SPATA31H1: variants seen among roughly 807,000 people sequenced by gnomAD.
SPATA31H1 encodes SPATA31 subfamily H member 1, also known as spermatogenesis-associated protein 31H1.
At chr2:27,555,499 C>G in the SPATA31H1 span, among the ~76,000 whole-genome samples, 1 of 151,584 alleles carries the variant, frequency 6.6e-6, no homozygotes. Flanking sequence ...CAGTAAGATC[C>G]CATCTCTCCA....
the SPATA31H1 span, among the ~76,000 whole-genome samples, chr2:27,541,781 A>C: frequency 6.6e-6 from 1 of 151,936 alleles, no homozygotes; most frequent in African/African-American, 2.4e-5. Context: ...GTGACCATTT[A>C]AATTTTTTAT....
At chr2:27,546,044 T>A in the SPATA31H1 span, among the ~76,000 whole-genome samples, 1 of 152,092 alleles carries the variant, frequency 6.6e-6, no homozygotes, top group Admixed American at 6.5e-5. Context: ...GGGTTTCTTT[T>A]ACTTAACTGA....
At chr2:27,537,440 G>T in the SPATA31H1 span, 1 of 717,402 alleles carries the variant, frequency 1.4e-6, no homozygotes, top group Admixed American at 2.0e-5. Flanking sequence ...GCACCAATTT[G>T]GGGGATGGAC....
chr2:27,558,916 A>AGG, the SPATA31H1 span, among the ~76,000 whole-genome samples: 4 of 43,028 alleles, frequency 9.3e-5, no homozygotes, highest in African/African-American at 2.3e-4. Context: ...GGAGAGGGAG[A>AGG]GGGAGGGGGA....
the SPATA31H1 span, chr2:27,572,770 C>A: frequency 2.5e-6 from 1 of 397,462 alleles, no homozygotes; most frequent in Non-Finnish European, 4.4e-6. Context: ...GAGTCGAAAT[C>A]TTCCATAGAG....
At chr2:27,563,000 A>T in the SPATA31H1 span, among the ~76,000 whole-genome samples, 5 of 151,674 alleles carry the variant, frequency 3.3e-5, no homozygotes, top group African/African-American at 7.3e-5. Context: ...TTTTTTTTAG[A>T]ATTTTACAGT....
At chr2:27,556,764 G>T in the SPATA31H1 span, among the ~76,000 whole-genome samples, 1 of 127,568 alleles carries the variant, frequency 7.8e-6, no homozygotes, top group Non-Finnish European at 1.6e-5. Context: ...AGGGGGATTT[G>T]GCAGGGTCAT....
the SPATA31H1 span, among the ~76,000 whole-genome samples, chr2:27,540,527 A>ACCC: frequency 3.6e-4 from 17 of 47,260 alleles, no homozygotes; most frequent in South Asian, 7.6e-4. Context: ...CGGGGGGCTG[A>ACCC]CCCCCCCCCC....
chr2:27,581,591 C>T, the SPATA31H1 span: 1 of 1,466,154 alleles, frequency 6.8e-7, no homozygotes. Flanking sequence ...ATCGCAGTCC[C>T]TCCCAGAGGA....
At chr2:27,539,694 C>T in the SPATA31H1 span, among the ~76,000 whole-genome samples, 1 of 81,052 alleles carries the variant, frequency 1.2e-5, no homozygotes, top group African/African-American at 4.9e-5. Flanking sequence ...TAGGGGCGGC[C>T]GGGCAGAAGC....
At chr2:27,540,019 A>AC in the SPATA31H1 span, among the ~76,000 whole-genome samples, 5 of 83,962 alleles carry the variant, frequency 6.0e-5, no homozygotes, top group African/African-American at 9.2e-5. Flanking sequence ...CGGGGGGCTG[A>AC]CCCCCCCACC....
At chr2:27,574,398 A>C in the SPATA31H1 span, 1 of 398,304 alleles carries the variant, frequency 2.5e-6, no homozygotes, top group African/African-American at 2.1e-5. Context: ...ATCTGATTTG[A>C]CCCTGGGGAG....
the SPATA31H1 span, chr2:27,577,647 C>A: frequency 1.3e-5 from 21 of 1,613,938 alleles, no homozygotes; most frequent in Admixed American, 3.3e-4. This position sits in a 1 kb window ranked among gnomAD's most constrained non-coding sequence, Gnocchi z 4.5. Context: ...ACATCGAGTT[C>A]CTGAATCTGT....
At chr2:27,550,164 A>G in the SPATA31H1 span, among the ~76,000 whole-genome samples, 1 of 150,406 alleles carries the variant, frequency 6.6e-6, no homozygotes, top group East Asian at 2.0e-4. Flanking sequence ...TTTTTCTTGT[A>G]TTATTCCATT....
the SPATA31H1 span, among the ~76,000 whole-genome samples, chr2:27,542,012 A>G: frequency 6.6e-6 from 1 of 151,988 alleles, no homozygotes; most frequent in African/African-American, 2.4e-5. Flanking sequence ...GGCTCAAGCA[A>G]TCCACACACC....
chr2:27,553,808 G>A, the SPATA31H1 span, among the ~76,000 whole-genome samples: 1 of 151,912 alleles, frequency 6.6e-6, no homozygotes, highest in African/African-American at 2.4e-5. Context: ...TGTAATCCCA[G>A]CTACTCGGGA....
chr2:27,551,512 T>C, the SPATA31H1 span, among the ~76,000 whole-genome samples: 1 of 151,956 alleles, frequency 6.6e-6, no homozygotes, highest in African/African-American at 2.4e-5. Flanking sequence ...TTTTAAGAAA[T>C]CGGCTCACAA....
chr2:27,549,991 A>G, the SPATA31H1 span, among the ~76,000 whole-genome samples: 16 of 151,866 alleles, frequency 1.1e-4, no homozygotes, highest in Non-Finnish European at 1.2e-4. Flanking sequence ...CTGATACTTG[A>G]AAACACAAAA....
the SPATA31H1 span, among the ~76,000 whole-genome samples, chr2:27,565,760 T>C: frequency 2.6e-5 from 4 of 152,180 alleles, no homozygotes; most frequent in South Asian, 8.3e-4. Flanking sequence ...GAAAAAGATA[T>C]GTATCATGAC....
Sources: allele counts gnomAD v4.1 joint callset (sites outside exome capture counted in the v4.1 genomes callset), GRCh38; gene constraint gnomAD v4.1.1; non-coding constraint Gnocchi (gnomAD v3.1); transcripts MANE v1.5; gene names NCBI Gene and HGNC (gene_info 2026-07-23, HGNC 2026-07-21).